The following TESK2 variants were observed in gnomAD, a reference collection of about 807,000 sequenced individuals.
The protein encoded by TESK2 is testis associated actin remodelling kinase 2.
A neutral mutation model predicts 57.1 loss-of-function variants in TESK2; 39 were observed. The observed-to-expected ratio is 0.68, with a 90% CI of 0.53 to 0.89. The LOEUF (loss-of-function observed/expected upper bound fraction) is 0.89. Ranked by LOEUF, TESK2 falls within the 40% of genes least tolerant of loss-of-function variation. The pLI, the probability that TESK2 is intolerant of heterozygous loss-of-function variation, is 0.00. For missense variants in TESK2, 646 were observed against 732.1 expected (o/e 0.88, Z 1.36); for synonymous variants, 249 against 267.9 (o/e 0.93, Z 0.69).
intron 3 of TESK2, among the ~76,000 whole-genome samples, chr1:45,408,030 T>C (rs1649913681): frequency 6.6e-6 from 1 of 152,222 alleles, no homozygotes; most frequent in South Asian, 2.1e-4. Context: ...TTGTAGACTG[T>C]TGCACAACAG....
chr1:45,473,149 C>CAAAAAAAAAA (rs142807091), intron 1 of TESK2, among the ~76,000 whole-genome samples: 1 of 96,914 alleles, frequency 1.0e-5, no homozygotes, highest in Non-Finnish European at 2.1e-5. Flanking sequence ...GACTCCGTCT[C>CAAAAAAAAAA]AAAAAAAAAA....
chr1:45,393,572 C>T (rs1358113266), intron 3 of TESK2, among the ~76,000 whole-genome samples: 1 of 152,124 alleles, frequency 6.6e-6, no homozygotes, highest in Non-Finnish European at 1.5e-5. Flanking sequence ...GAAACCCCAT[C>T]TCTACTAAAA....
At chr1:45,408,959 G>T (rs1649943748) in intron 3 of TESK2, among the ~76,000 whole-genome samples, 1 of 152,152 alleles carries the variant, frequency 6.6e-6, no homozygotes, top group Non-Finnish European at 1.5e-5. Context: ...TGGGGATGTT[G>T]ACTTTCAGGC....
Position 45,345,078 on chromosome 1 carries a change from ACT to A in TESK2, c.1476_1477del (p.Arg492SerfsTer2), listed in dbSNP as rs771975398. 1.2e-6 allele frequency: 2 copies of A among 1,614,038 alleles called. No individual in the cohort carries two copies. The highest frequency in any genetic ancestry group is 3.3e-5 in the Admixed American group (2 of 60,024). Reference sequence around the variant, plus strand: ...TGCCCGGAATGGTGGGATCTCTTTAACTCTGTACTTGAGACTACTTAGGCGTG... The same window carrying A: ...TGCCCGGAATGGTGGGATCTCTTTAACTGTACTTGAGACTACTTAGGCGTG... On this transcript the variant is annotated frameshift_variant, in exon 11 of 11. Transcript: ENST00000372086. LOFTEE classifies it high-confidence loss of function.
chr1:45,405,561 G>A (rs528169258), intron 3 of TESK2, among the ~76,000 whole-genome samples: 7 of 151,884 alleles, frequency 4.6e-5, no homozygotes, highest in Non-Finnish European at 1.0e-4. Context: ...GGAGGCCGAG[G>A]CGGGCAGATC....
intron 3 of TESK2, among the ~76,000 whole-genome samples, chr1:45,406,831 C>T (rs1037473151): frequency 5.3e-5 from 8 of 152,036 alleles, no homozygotes; most frequent in African/African-American, 1.2e-4. Flanking sequence ...TAACAGTCCC[C>T]TACCCTGCCC....
At chr1:45,416,479 T>C (rs1057244341) in intron 3 of TESK2, among the ~76,000 whole-genome samples, 1 of 152,002 alleles carries the variant, frequency 6.6e-6, no homozygotes, top group Admixed American at 6.6e-5. Flanking sequence ...CTTTTTAAAA[T>C]AGATCAAACA....
At chr1:45,458,584 G>C (rs1652208953) in intron 1 of TESK2, among the ~76,000 whole-genome samples, 1 of 150,216 alleles carries the variant, frequency 6.7e-6, no homozygotes, top group Non-Finnish European at 1.5e-5. Context: ...AAAAAAAATT[G>C]AAGTGCAAAG....
chr1:45,432,953 G>A lies in TESK2; in HGVS notation c.223-11107C>T, dbSNP rs575832164. Among the ~76,000 whole-genome samples, 105 of 150,584 alleles carry A rather than the reference G, an allele frequency of 7.0e-4. 1 individual carries two copies. The highest frequency in any genetic ancestry group is 2.0e-4 in the Admixed American group (3 of 15,130). On this transcript the variant is annotated intron_variant, in intron 2 of 10. Transcript: ENST00000372086. ...TAATTTTTTGTATTTTAGTAGAGAT[G>A]GAGTTTCACTGTGTTGCCCAGGCTG...
intron 6 of TESK2, 86 bp from the exon 7 acceptor site, chr1:45,347,779 G>C: frequency 6.7e-7 from 1 of 1,500,970 alleles, no homozygotes; most frequent in Non-Finnish European, 9.3e-7. Flanking sequence ...TCAAGGATGG[G>C]TACAGACGAG....
At chr1:45,398,732 G>A in intron 3 of TESK2, 1 of 233,928 alleles carries the variant, frequency 4.3e-6, no homozygotes, top group Non-Finnish European at 8.6e-6. Context: ...TCCTCCTGAA[G>A]TAGATTACAT....
intron 1 of TESK2, among the ~76,000 whole-genome samples, chr1:45,482,148 T>A (rs1442005509): frequency 6.6e-6 from 1 of 152,204 alleles, no homozygotes. Flanking sequence ...TGCAATACTG[T>A]AAACCCTGAA....
chr1:45,435,330 C>T (rs1457980604), intron 2 of TESK2, among the ~76,000 whole-genome samples: 6 of 151,946 alleles, frequency 3.9e-5, no homozygotes, highest in African/African-American at 1.2e-4. Context: ...GGTTTCACCA[C>T]GTTGGCCAGG....
chr1:45,398,905 G>A (rs1457571175), intron 3 of TESK2: 1 of 421,414 alleles, frequency 2.4e-6, no homozygotes, highest in Non-Finnish European at 4.6e-6. Context: ...AAGATCCAGT[G>A]GAGGAACCTG....
At position 45,482,555 on chromosome 1, in the gene TESK2, G is replaced by A. The variant is rs78043529; in HGVS notation, c.-87+8297C>T. 3.8e-3 allele frequency among the ~76,000 whole-genome samples: 557 copies of A among 147,524 alleles called. 7 individuals are homozygous for A. The highest frequency in any genetic ancestry group is 0.018 in the East Asian group (92 of 5,016). ...AAATAAATAAAAATTTGAATTGCTT[G>A]ATATGTACCACAGATTGAGATCTGC... On this transcript the variant is annotated intron_variant, in intron 1 of 10. Coordinates refer to ENST00000372086, the MANE Select transcript of TESK2 (RefSeq NM_007170.3).
chr1:45,445,551 C>G (rs1651610488), intron 2 of TESK2, among the ~76,000 whole-genome samples: 2 of 148,276 alleles, frequency 1.3e-5, no homozygotes, highest in African/African-American at 5.0e-5. Flanking sequence ...CTTTGGGAGG[C>G]TGAGGTGGGA....
intron 1 of TESK2, among the ~76,000 whole-genome samples, chr1:45,484,236 G>A (rs1653363197): frequency 1.3e-5 from 2 of 150,798 alleles, no homozygotes; most frequent in African/African-American, 2.4e-5. Context: ...GGCCTCCCGA[G>A]TAACTGAGAT....
At chr1:45,371,252 G>A (rs111843994) in intron 4 of TESK2, among the ~76,000 whole-genome samples, 7 of 152,166 alleles carry the variant, frequency 4.6e-5, no homozygotes, top group African/African-American at 1.4e-4. Flanking sequence ...CCTACTTCTG[G>A]GTATGTACCC....
intron 4 of TESK2, among the ~76,000 whole-genome samples, chr1:45,381,168 T>C (rs552688252): frequency 6.6e-5 from 10 of 152,330 alleles, no homozygotes; most frequent in Non-Finnish European, 1.3e-4. Context: ...ATAGTTGTTA[T>C]GGTTTAAGAA....
Sources: gnomAD v4.1 joint callset for allele counts (sites outside exome capture counted in the v4.1 genomes callset) on GRCh38, gnomAD v4.1.1 for gene constraint, MANE v1.5 for transcripts, NCBI Gene and HGNC (gene_info 2026-07-23, HGNC 2026-07-21) for gene names.